SATB2: variants seen among roughly 807,000 people sequenced by gnomAD.
The protein encoded by SATB2 is DNA-binding protein SATB2.
A neutral mutation model predicts 73.4 loss-of-function variants in SATB2; 1 was observed. The ratio of observed to expected loss-of-function variants is 0.01; its 90% CI spans 0.00 to 0.06. The LOEUF (loss-of-function observed/expected upper bound fraction) is 0.06. SATB2 is among the 10% of genes least tolerant of loss of function. The probability of loss-of-function intolerance (pLI) is 1.00; values close to 1 mark genes in which losing one functional copy is unlikely to be tolerated. For synonymous variants in SATB2, 397 were observed against 367.0 expected (o/e 1.08, Z -0.93); for missense variants, 459 against 945.8 (o/e 0.49, Z 6.75).
Position 199,272,269 on chromosome 2 carries a change from G to T in SATB2, c.2144C>A (p.Ala715Asp). 6.2e-7 allele frequency: 1 copy of T among 1,614,148 alleles called. No homozygotes were observed. Among genetic ancestry groups the T allele is most frequent in the East Asian group, 2.2e-5 (1 of 44,880 alleles). ...EGSEEMYKVEAEEENADKSKA... is the reference protein window; with the variant it reads ...EGSEEMYKVEDEEENADKSKA... ...GCTTTTGTCAGCATTTTCCTCCTCAGCCTCCACTTTGTACATCTCCTCGGA... is the reference window on the plus strand; with the variant it reads ...GCTTTTGTCAGCATTTTCCTCCTCATCCTCCACTTTGTACATCTCCTCGGA... Residue 715 changes from alanine to aspartate, a missense_variant, in exon 11 of 11, where the codon GCT (alanine) becomes GAT (aspartate). Ala to Asp is a moderately radical substitution (Grantham distance 126, BLOSUM62 -2). This residue lies in a region of SATB2 where 41 missense variants were observed against 38.6 expected (regional missense o/e 1.06). Transcript: ENST00000417098. The surrounding 1 kb of genome is among the most constrained non-coding windows in gnomAD (Gnocchi z 6.7).
At chr2:199,317,076 A>G (rs1687756922) in intron 9 of SATB2, among the ~76,000 whole-genome samples, 1 of 152,008 alleles carries the variant, frequency 6.6e-6, no homozygotes, top group Non-Finnish European at 1.5e-5. Flanking sequence ...TGGGCAGGGT[A>G]GTGGTTGGGG....
intron 7 of SATB2, among the ~76,000 whole-genome samples, chr2:199,343,488 T>A (rs1341876300): frequency 2.0e-5 from 3 of 152,200 alleles, no homozygotes; most frequent in Non-Finnish European, 4.4e-5. Context: ...TCATGGGGCA[T>A]AATATACCAT....
intron 8 of SATB2, chr2:199,325,467 C>T (rs1223120631): frequency 2.0e-5 from 3 of 152,114 alleles, no homozygotes; most frequent in Admixed American, 2.0e-4. Flanking sequence ...ATGCCAGGTG[C>T]TGTTGTAAGA....
intron 9 of SATB2, among the ~76,000 whole-genome samples, chr2:199,319,517 G>A (rs950681851): frequency 6.6e-6 from 1 of 152,104 alleles, no homozygotes; most frequent in African/African-American, 2.4e-5. Context: ...ACAGAACAGG[G>A]TGTATCAGTT....
At chr2:199,340,394 T>C (rs191870350) in intron 7 of SATB2, among the ~76,000 whole-genome samples, 44 of 152,328 alleles carry the variant, frequency 2.9e-4, no homozygotes, top group African/African-American at 1.1e-3. Context: ...TTGCAAATTG[T>C]GTAACTCTAC....
chr2:199,408,574 T>C (rs752617622), intron 3 of SATB2, among the ~76,000 whole-genome samples: 8 of 151,830 alleles, frequency 5.3e-5, no homozygotes, highest in Non-Finnish European at 8.8e-5. Context: ...ATTTTTGCCA[T>C]TGAAAGGGTA....
chr2:199,365,371 T>C (rs530014474), intron 6 of SATB2, among the ~76,000 whole-genome samples: 1 of 152,184 alleles, frequency 6.6e-6, no homozygotes, highest in African/African-American at 2.4e-5. Context: ...TTCTTCAATG[T>C]CAAATATTCC....
At chr2:199,339,891 T>C (rs1308228183) in intron 7 of SATB2, among the ~76,000 whole-genome samples, 1 of 152,196 alleles carries the variant, frequency 6.6e-6, no homozygotes, top group African/African-American at 2.4e-5. Flanking sequence ...CCAAATATTT[T>C]GGTTGCCAGG....
chr2:199,287,112 C>A (rs1182594205), intron 10 of SATB2, among the ~76,000 whole-genome samples: 1 of 152,168 alleles, frequency 6.6e-6, no homozygotes, highest in Non-Finnish European at 1.5e-5. Context: ...CCTCAGAATG[C>A]TTAAATAGTT....
chr2:199,392,384 G>C (rs577274039), intron 3 of SATB2, among the ~76,000 whole-genome samples: 1 of 151,558 alleles, frequency 6.6e-6, no homozygotes, highest in South Asian at 2.1e-4. Context: ...AAGTGTGAAG[G>C]ACTTGGCATA....
At chr2:199,319,266 G>A (rs1428924034) in intron 9 of SATB2, among the ~76,000 whole-genome samples, 1 of 152,150 alleles carries the variant, frequency 6.6e-6, no homozygotes, top group African/African-American at 2.4e-5. Context: ...TTTAGTGGCA[G>A]TTCCTGCAGC....
At chr2:199,344,473 T>A (rs1688594269) in intron 7 of SATB2, among the ~76,000 whole-genome samples, 1 of 152,168 alleles carries the variant, frequency 6.6e-6, no homozygotes, top group Admixed American at 6.6e-5. Flanking sequence ...TGTGAGAGTC[T>A]CTCAGGACCT....
At chr2:199,286,094 A>C (rs913414028) in intron 10 of SATB2, among the ~76,000 whole-genome samples, 1 of 151,054 alleles carries the variant, frequency 6.6e-6, no homozygotes, top group Non-Finnish European at 1.5e-5. Context: ...TTTGGTTATA[A>C]ATTGAGAACA....
In SATB2 at chr2:199,281,318, G is replaced by A. The variant is rs529207875; in HGVS notation, c.1741-8646C>T. On this transcript the variant is annotated intron_variant, in intron 10 of 10. Coordinates refer to ENST00000417098, the MANE Select transcript of SATB2 (RefSeq NM_001172509.2). ...CATATATATGAGAAATCATTAAGGA[G>A]GTGACTGTATAAGGTGGTTGATCCA... 3.3e-5 allele frequency among the ~76,000 whole-genome samples: 5 copies of A among 151,584 alleles called. No individual in the cohort carries two copies. In the East Asian group the frequency reaches 9.8e-4, roughly 30 times the overall value.
chr2:199,370,982 T>C (rs1689430336), intron 5 of SATB2, among the ~76,000 whole-genome samples: 1 of 151,252 alleles, frequency 6.6e-6, no homozygotes, highest in Admixed American at 6.6e-5. Flanking sequence ...CAAACAAATT[T>C]CCTAGATGAG....
chr2:199,300,420 C>T (rs1687249998), intron 10 of SATB2, among the ~76,000 whole-genome samples: 1 of 150,914 alleles, frequency 6.6e-6, no homozygotes. Flanking sequence ...AATATTATAC[C>T]TGGCTTCATT....
chr2:199,442,105 T>C (rs1201175892), intron 2 of SATB2, among the ~76,000 whole-genome samples: 3 of 152,126 alleles, frequency 2.0e-5, no homozygotes, highest in Non-Finnish European at 4.4e-5. Flanking sequence ...CTGACCTATA[T>C]AGTAGGCCCA....
chr2:199,297,082 G>C (rs757155558), intron 10 of SATB2, among the ~76,000 whole-genome samples: 1 of 152,062 alleles, frequency 6.6e-6, no homozygotes, highest in Non-Finnish European at 1.5e-5. Context: ...AATTTCAAAG[G>C]AAGCATTTGT....
chr2:199,281,482 T>TACACACAC (rs10685113), intron 10 of SATB2, among the ~76,000 whole-genome samples: 115,360 of 150,524 alleles, frequency 0.77, 45,796 homozygotes, highest in East Asian at 0.88. Flanking sequence ...ATGAGATATA[T>TACACACAC]ACACACACAC....
Sources: allele counts gnomAD v4.1 joint callset (sites outside exome capture counted in the v4.1 genomes callset), GRCh38; gene constraint gnomAD v4.1.1; regional missense constraint gnomAD v4.1.1; non-coding constraint Gnocchi (gnomAD v3.1); transcripts MANE v1.5; gene names NCBI Gene and HGNC (gene_info 2026-07-23, HGNC 2026-07-21).